The following ATG7 variants were observed in gnomAD, a reference collection of about 807,000 sequenced individuals.
ATG7 encodes autophagy related 7, also known as ubiquitin-like modifier-activating enzyme ATG7.
In ATG7, 70 loss-of-function variants were observed where a neutral mutation model predicts 82.4. The observed-to-expected ratio is 0.85, with a 90% CI of 0.70 to 1.04. The LOEUF (loss-of-function observed/expected upper bound fraction) is 1.04. Ranked by LOEUF, ATG7 falls within the 50% of genes least tolerant of loss-of-function variation. ATG7 has a pLI of 0.00. For missense variants in ATG7, 792 were observed against 864.3 expected (o/e 0.92, Z 1.05); for synonymous variants, 287 against 313.0 (o/e 0.92, Z 0.88).
At chr3:11,467,240 A>G (rs145939469) in intron 20 of ATG7, among the ~76,000 whole-genome samples, 2 of 152,162 alleles carry the variant, frequency 1.3e-5, no homozygotes, top group Admixed American at 6.5e-5. Context: ...GTTAGTAACA[A>G]CTCTGGAGTC....
In ATG7 at chr3:11,557,510, T is replaced by A. The variant is rs2072553220; in HGVS notation, c.*2667T>A. 6.6e-6 allele frequency: 1 copy of A among 152,574 alleles called. No homozygotes were observed. Among genetic ancestry groups the A allele is most frequent in the South Asian group, 2.1e-4 (1 of 4,836 alleles). 9.5% of individuals were successfully genotyped at this position (152,574 alleles called of 1,614,324 possible). On this transcript the variant is annotated 3_prime_UTR_variant, in exon 21 of 21. Coordinates refer to ENST00000693202, the MANE Select transcript of ATG7 (RefSeq NM_001349232.2). Reference sequence around the variant, plus strand: ...AAACTCCAGCATCCCACACCGCAGCTGACCCACTGCTCATCGCGAGGGCCT... The same window carrying A: ...AAACTCCAGCATCCCACACCGCAGCAGACCCACTGCTCATCGCGAGGGCCT...
chr3:11,548,805 T>G (rs114516853), intron 20 of ATG7, among the ~76,000 whole-genome samples: 1 of 152,346 alleles, frequency 6.6e-6, no homozygotes, highest in Non-Finnish European at 1.5e-5. Flanking sequence ...GTTCCCAGTC[T>G]TTTCCTGTAA....
chr3:11,396,998 A>G (rs1576061791), intron 19 of ATG7, among the ~76,000 whole-genome samples: 1 of 152,250 alleles, frequency 6.6e-6, no homozygotes, highest in South Asian at 2.1e-4. Flanking sequence ...AAAATGAAAA[A>G]ATTGAAAAAG....
intron 14 of ATG7, among the ~76,000 whole-genome samples, chr3:11,353,410 C>T (rs2152800593): frequency 6.6e-6 from 1 of 152,232 alleles, no homozygotes; most frequent in Non-Finnish European, 1.5e-5. Flanking sequence ...CACCACTGCA[C>T]TCCAGCCTGG....
chr3:11,449,411 T>TA (rs1265976580), intron 20 of ATG7, among the ~76,000 whole-genome samples: 2 of 152,264 alleles, frequency 1.3e-5, no homozygotes, highest in Admixed American at 1.3e-4. Flanking sequence ...TTGGGGCCTG[T>TA]AAGGCCCCAG....
rs543458883 is a variant in ATG7 at position 11,332,221 on chromosome 3, A to G, written c.768-751A>G. ...CAATGAATCTGAGTGAACTATTAAT[A>G]CAGAGATCAGCATGGCTGAATTTTA... On this transcript the variant is annotated intron_variant, in intron 10 of 20. Transcript: ENST00000693202. Among the ~76,000 whole-genome samples the G allele has an allele frequency of 2.6e-5, 4 of 152,350 alleles. No homozygotes were observed. The East Asian group carries it at 7.7e-4, about 29-fold the overall frequency.
intron 11 of ATG7, among the ~76,000 whole-genome samples, chr3:11,337,908 CTG>C (rs1207263796): frequency 6.6e-6 from 1 of 152,074 alleles, no homozygotes. Flanking sequence ...CAATACTAGG[CTG>C]TGATTCTGTA....
At chr3:11,300,709 C>T (rs1367726879) in intron 5 of ATG7, among the ~76,000 whole-genome samples, 1 of 152,200 alleles carries the variant, frequency 6.6e-6, no homozygotes, top group East Asian at 1.9e-4. Flanking sequence ...GAAAGCGATA[C>T]ACATTCAGTG....
intron 19 of ATG7, among the ~76,000 whole-genome samples, chr3:11,417,109 G>A (rs1219511375): frequency 6.6e-6 from 1 of 152,122 alleles, no homozygotes; most frequent in Non-Finnish European, 1.5e-5. Context: ...TTCTACCTTG[G>A]TGAATATTCC....
intron 20 of ATG7, among the ~76,000 whole-genome samples, chr3:11,506,321 C>G (rs1389938889): frequency 6.6e-6 from 1 of 152,102 alleles, no homozygotes; most frequent in African/African-American, 2.4e-5. Flanking sequence ...GTAATTCGAG[C>G]AAAATAAAAA....
chr3:11,516,936 A>G (rs1269777362), intron 20 of ATG7, among the ~76,000 whole-genome samples: 1 of 152,076 alleles, frequency 6.6e-6, no homozygotes, highest in African/African-American at 2.4e-5. Context: ...TCCACAAATT[A>G]GCCGGGTATG....
intron 20 of ATG7, among the ~76,000 whole-genome samples, chr3:11,457,939 T>C (rs1266046998): frequency 6.6e-6 from 1 of 152,152 alleles, no homozygotes; most frequent in East Asian, 1.9e-4. Context: ...AAGTAACCGG[T>C]AAGTATATAT....
intron 20 of ATG7, among the ~76,000 whole-genome samples, chr3:11,472,835 C>T (rs181998245): frequency 1.8e-3 from 270 of 149,406 alleles, no homozygotes; most frequent in African/African-American, 6.4e-3. Context: ...ATGCCAAATG[C>T]GCTGATTTGC....
At chr3:11,473,795 A>G (rs1282978609) in intron 20 of ATG7, among the ~76,000 whole-genome samples, 1 of 152,212 alleles carries the variant, frequency 6.6e-6, no homozygotes, top group East Asian at 1.9e-4. Context: ...TTATTTTTAA[A>G]TGTAACCCTA....
At chr3:11,347,813 T>G (rs1559443457) in intron 13 of ATG7, 64 bp from the exon 14 acceptor site, 1 of 1,510,778 alleles carries the variant, frequency 6.6e-7, no homozygotes, top group Non-Finnish European at 8.9e-7. Context: ...TTTTGAGATT[T>G]CAAGAGACAG....
intron 20 of ATG7, among the ~76,000 whole-genome samples, chr3:11,435,696 C>T (rs981168988): frequency 3.9e-5 from 6 of 152,040 alleles, no homozygotes; most frequent in Non-Finnish European, 7.4e-5. Context: ...TCATGTGAGA[C>T]CTTGGGTTAT....
chr3:11,387,658 T>TCAC (rs1302797071), intron 19 of ATG7, among the ~76,000 whole-genome samples: 1 of 152,196 alleles, frequency 6.6e-6, no homozygotes, highest in Non-Finnish European at 1.5e-5. Context: ...ATGAAAGCAG[T>TCAC]CACCACTGTT....
intron 6 of ATG7, chr3:11,308,752 A>T (rs1266707586): frequency 1.7e-6 from 1 of 574,234 alleles, no homozygotes; most frequent in African/African-American, 1.9e-5. Flanking sequence ...ATCTGCTGAG[A>T]GGAGGCGCCT....
the ATG7 span, among the ~76,000 whole-genome samples, chr3:11,575,203 C>CA: frequency 2.0e-5 from 3 of 152,200 alleles, no homozygotes; most frequent in African/African-American, 7.2e-5. Context: ...GTTTCAAAAG[C>CA]AGCTCAGGTC....
Sources: allele counts gnomAD v4.1 joint callset (sites outside exome capture counted in the v4.1 genomes callset), GRCh38; gene constraint gnomAD v4.1.1; transcripts MANE v1.5; gene names NCBI Gene and HGNC (gene_info 2026-07-23, HGNC 2026-07-21).